Variants in POLB observed in about 807,000 individuals in gnomAD.
The protein encoded by POLB is DNA polymerase beta, also known as 5'-dRP lyase.
In POLB, 37 loss-of-function variants were observed where a neutral mutation model predicts 52.7. The ratio of observed to expected loss-of-function variants is 0.70; its 90% CI spans 0.54 to 0.92. The LOEUF (loss-of-function observed/expected upper bound fraction) is 0.92. Ranked by LOEUF, POLB falls within the 40% of genes least tolerant of loss-of-function variation. The pLI, the probability that POLB is intolerant of heterozygous loss-of-function variation, is 0.00. For synonymous variants in POLB, 138 were observed against 131.3 expected (o/e 1.05, Z -0.35); for missense variants, 313 against 400.8 (o/e 0.78, Z 1.87).
At chr8:42,344,414 AG>A (rs1822470710) in intron 2 of POLB, among the ~76,000 whole-genome samples, 1 of 151,684 alleles carries the variant, frequency 6.6e-6, no homozygotes, top group Non-Finnish European at 1.5e-5. Flanking sequence ...GGTTGTGGTG[AG>A]CCGAGATTGC....
chr8:42,343,338 AAAAAAAAAT>A (rs1291421304), intron 2 of POLB, among the ~76,000 whole-genome samples: 112 of 52,418 alleles, frequency 2.1e-3, no homozygotes, highest in African/African-American at 4.1e-3. Context: ...AAAAAAAAAA[AAAAAAAAAT>A]ATATATATAT....
chr8:42,357,358 A>G lies in POLB; in HGVS notation c.516A>G (p.Glu172=). 2 of 1,581,576 alleles carry G rather than the reference A, an allele frequency of 1.3e-6. No individual in the cohort carries two copies. Among genetic ancestry groups the G allele is most frequent in the South Asian group, 1.1e-5 (1 of 90,340 alleles). ...VLNEVKKVDS[E]YIATVCGSFR... ...ATGAAGTTAAAAAAGTGGATTCTGAATACATTGCTACAGTCTGTGGCAGTT... is the reference window on the plus strand; with the variant it reads ...ATGAAGTTAAAAAAGTGGATTCTGAGTACATTGCTACAGTCTGTGGCAGTT... Residue 172 remains glutamate, a synonymous_variant, in exon 9 of 14, where the codon GAA becomes GAG. Coordinates refer to ENST00000265421, the MANE Select transcript of POLB (RefSeq NM_002690.3).
chr8:42,358,863 C>T (rs1823495890), intron 9 of POLB, among the ~76,000 whole-genome samples: 1 of 152,106 alleles, frequency 6.6e-6, no homozygotes, highest in African/African-American at 2.4e-5. Flanking sequence ...ATGTCTGCAT[C>T]AGAAATACCT....
At position 42,365,104 on chromosome 8, in the gene POLB, T is replaced by A. The variant is rs73622171; in HGVS notation, c.708+2406T>A. 4.6e-3 allele frequency among the ~76,000 whole-genome samples: 698 copies of A among 151,346 alleles called. 8 individuals carry two copies. The highest frequency in any genetic ancestry group is 0.016 in the African/African-American group (672 of 41,206). ...CCCATCTCAAAAAAGAAAAAAAAAATAGATGGCCAATAGATGGTAAATTGT... is the reference window on the plus strand; with the variant it reads ...CCCATCTCAAAAAAGAAAAAAAAAAAAGATGGCCAATAGATGGTAAATTGT... On this transcript the variant is annotated intron_variant, in intron 11 of 13. Transcript: ENST00000265421.
chr8:42,352,439 C>A, intron 5 of POLB, 80 bp from the exon 6 acceptor site: 1 of 882,396 alleles, frequency 1.1e-6, no homozygotes, highest in South Asian at 1.3e-5. Flanking sequence ...TTAATAGCAG[C>A]TCTTCTTACT....
intron 9 of POLB, among the ~76,000 whole-genome samples, chr8:42,360,464 G>T (rs1009788124): frequency 6.6e-6 from 1 of 152,074 alleles, no homozygotes; most frequent in Non-Finnish European, 1.5e-5. Context: ...CACTATAGTG[G>T]ATGCTTTTAC....
rs1823777932 is a variant in POLB, at chr8:42,362,710, T to C, written c.708+12T>C. 2 of 1,505,596 alleles carry C rather than the reference T, an allele frequency of 1.3e-6. No homozygotes were observed. The highest frequency in any genetic ancestry group is 1.7e-5 in the Admixed American group (1 of 58,964). 93.3% of individuals were successfully genotyped at this position (1,505,596 alleles called of 1,614,324 possible). The stretch of plus-strand genomic sequence containing the variant: ...AGACAAAGTTCATGGTAAGTACTTG[T>C]TAGAGTTAGCACATCTAAAAAAAAA... On this transcript the variant is annotated intron_variant, in intron 11 of 13. Transcript: ENST00000265421.
intron 2 of POLB, among the ~76,000 whole-genome samples, chr8:42,341,604 G>A (rs575671021): frequency 7.2e-5 from 11 of 152,234 alleles, no homozygotes; most frequent in African/African-American, 2.2e-4. Flanking sequence ...GAGCTCCCAG[G>A]GTGTATCCAA....
intron 11 of POLB, among the ~76,000 whole-genome samples, chr8:42,364,528 C>T (rs1248483526): frequency 6.6e-6 from 1 of 152,138 alleles, no homozygotes; most frequent in East Asian, 1.9e-4. Context: ...TGTGCCCGGG[C>T]CTCTTCTTTC....
chr8:42,352,482 T>G, intron 5 of POLB, 37 bp from the exon 6 acceptor site: 1 of 1,412,556 alleles, frequency 7.1e-7, no homozygotes, highest in South Asian at 1.1e-5. Context: ...GATCCCAAGT[T>G]TCACCCAATG....
Position 42,361,166 on chromosome 8 carries a change from A to G in POLB, c.551-129A>G, listed in dbSNP as rs3136768. 4.9e-4 allele frequency: 357 copies of G among 730,846 alleles called. 3 individuals carry two copies. In the African/African-American group the frequency reaches 5.4e-3, roughly 11 times the overall value. 45.3% of individuals were successfully genotyped at this position (730,846 alleles called of 1,614,324 possible). ...TGAAATCTTTTAACTAATTCTAACT[A>G]TGAAGCACAGTGAAATAGAAAGTTA... On this transcript the variant is annotated intron_variant, in intron 9 of 13. Coordinates refer to ENST00000265421, the MANE Select transcript of POLB (RefSeq NM_002690.3).
intron 2 of POLB, chr8:42,342,422 C>A: frequency 7.0e-7 from 1 of 1,422,684 alleles, no homozygotes; most frequent in Non-Finnish European, 9.8e-7. Context: ...ACTATCATAT[C>A]CCCCTCTATA....
At chr8:42,341,786 T>G (rs3136723) in intron 2 of POLB, 14 of 490,472 alleles carry the variant, frequency 2.9e-5, no homozygotes, top group Non-Finnish European at 4.6e-5. Context: ...TGCAGCCCCC[T>G]CCTGAGCCGT....
intron 5 of POLB, 96 bp from the exon 6 acceptor site, chr8:42,352,423 T>C (rs2130807088): frequency 1.2e-6 from 1 of 806,128 alleles, no homozygotes; most frequent in South Asian, 1.4e-5. Context: ...GCAGGTCTTG[T>C]TTAGCTTAAT....
chr8:42,343,934 G>A (rs1822422333), intron 2 of POLB, among the ~76,000 whole-genome samples: 1 of 151,988 alleles, frequency 6.6e-6, no homozygotes, highest in Non-Finnish European at 1.5e-5. Flanking sequence ...TTCGGGATGA[G>A]CCTGGCCAAC....
At chr8:42,367,947 G>T (rs898177503) in intron 11 of POLB, among the ~76,000 whole-genome samples, 1 of 152,156 alleles carries the variant, frequency 6.6e-6, no homozygotes, top group Non-Finnish European at 1.5e-5. Context: ...GAGATACCAT[G>T]GCTACCCCGA....
intron 3 of POLB, among the ~76,000 whole-genome samples, chr8:42,346,622 G>A (rs552875803): frequency 2.0e-5 from 3 of 151,814 alleles, no homozygotes; most frequent in Admixed American, 2.0e-4. Flanking sequence ...TTGAACTCTT[G>A]GGCTCAAGTG....
intron 12 of POLB, chr8:42,369,612 G>A: frequency 1.9e-6 from 1 of 525,872 alleles, no homozygotes; most frequent in South Asian, 3.1e-5. Flanking sequence ...AGTTGTAATA[G>A]GTGATAATGC....
chr8:42,361,408 C>T (rs773768231), intron 10 of POLB, 43 bp downstream of exon 10: 23 of 1,259,482 alleles, frequency 1.8e-5, no homozygotes, highest in African/African-American at 2.9e-5. Flanking sequence ...TCTTACACAA[C>T]AGTGAATTTC....
Sources: allele counts gnomAD v4.1 joint callset (sites outside exome capture counted in the v4.1 genomes callset), GRCh38; gene constraint gnomAD v4.1.1; transcripts MANE v1.5; gene names NCBI Gene and HGNC (gene_info 2026-07-23, HGNC 2026-07-21).